Variants in ATP13A4 observed in about 807,000 individuals in gnomAD.
ATP13A4 encodes the protein probable cation-transporting ATPase 13A4.
ATP13A4 carries 114 observed loss-of-function variants against 142.5 expected under a neutral mutation model. That is an observed-to-expected ratio of 0.80 (90% confidence interval 0.69 to 0.93). The LOEUF (loss-of-function observed/expected upper bound fraction) is 0.93, where lower values mean the gene tolerates loss of function less well. ATP13A4 is among the 40% of genes least tolerant of loss of function. The probability of loss-of-function intolerance (pLI) is 0.00; values close to 1 mark genes in which losing one functional copy is unlikely to be tolerated. For missense variants in ATP13A4, 1,392 were observed against 1,454.0 expected (o/e 0.96, Z 0.69); for synonymous variants, 488 against 514.8 (o/e 0.95, Z 0.70).
intron 25 of ATP13A4, among the ~76,000 whole-genome samples, chr3:193,432,675 T>G (rs1028971236): frequency 1.3e-5 from 2 of 151,970 alleles, no homozygotes; most frequent in Admixed American, 1.3e-4. Context: ...TATATAACAT[T>G]CTAGAAAAGC....
Position 193,454,906 on chromosome 3 carries a change from T to G in ATP13A4, c.1916-694A>C, listed in dbSNP as rs188132724. Among the ~76,000 whole-genome samples, 342 of 152,242 alleles carry G rather than the reference T, an allele frequency of 2.2e-3. 4 individuals are homozygous for G. The highest frequency in any genetic ancestry group is 0.014 in the Middle Eastern group (4 of 294). On this transcript the variant is annotated intron_variant, in intron 16 of 29. Coordinates refer to ENST00000342695, the MANE Select transcript of ATP13A4 (RefSeq NM_032279.4). ...AGAGCTTCTGCACAGCAAAAGAAAC[T>G]GTCAAAGAGTAAACATACAGCCTAC...
intron 7 of ATP13A4, 46 bp downstream of exon 7, chr3:193,489,684 A>G (rs930069397): frequency 9.5e-6 from 15 of 1,572,114 alleles, no homozygotes; most frequent in African/African-American, 5.4e-5. Flanking sequence ...TAATAAAGTC[A>G]TTATCCTTCC....
At chr3:193,474,348 C>T (rs796214131) in intron 8 of ATP13A4, among the ~76,000 whole-genome samples, 1 of 108,604 alleles carries the variant, frequency 9.2e-6, no homozygotes, top group Non-Finnish European at 1.9e-5. Context: ...AAAAAAAAAA[C>T]AAACAAAAAA....
chr3:193,488,523 G>GA (rs146936309), intron 7 of ATP13A4, among the ~76,000 whole-genome samples: 5 of 151,880 alleles, frequency 3.3e-5, no homozygotes, highest in Admixed American at 6.6e-5. Flanking sequence ...TTCTGTTAAG[G>GA]AAAAAAACAG....
chr3:193,554,929 T>G, upstream of ATP13A4: 1 of 1,602,108 alleles, frequency 6.2e-7, no homozygotes, highest in South Asian at 1.1e-5. Flanking sequence ...TTAAAACTCC[T>G]CCTTGAGCAC....
chr3:193,457,482 A>G lies in ATP13A4; in HGVS notation c.1675-17T>C. 6.2e-7 allele frequency: 1 copy of G among 1,600,422 alleles called. No individual in the cohort carries two copies. The highest frequency in any genetic ancestry group is 8.5e-7 in the Non-Finnish European group (1 of 1,170,654). On this transcript the variant is annotated splice_polypyrimidine_tract_variant and intron_variant, in intron 14 of 29. Transcript: ENST00000342695. ...AGCCATTTCCTATTTCACAAATAGG[A>G]TATTTCATTGCAGAGATTTATTTAT... is the stretch of plus-strand genomic sequence containing the variant.
At chr3:193,554,939 C>T (rs1723824876), upstream of ATP13A4, 1 of 1,594,334 alleles carries the variant, frequency 6.3e-7, no homozygotes, top group Non-Finnish European at 8.5e-7. Context: ...TCCTTGAGCA[C>T]ACACCTTCTC....
rs149734904 is a variant in ATP13A4 at position 193,439,255 on chromosome 3, G to A, written c.2520-190C>T. 1.1e-4 allele frequency among the ~76,000 whole-genome samples: 16 copies of A among 152,248 alleles called. No individual in the cohort carries two copies. The East Asian group carries it at 2.1e-3, about 20-fold the overall frequency. Reference sequence around the variant, plus strand: ...TACAATGGATTTAGAAATTCAGAACGTGATTCCTGACTGTAAGTGTTTCAT... The same window carrying A: ...TACAATGGATTTAGAAATTCAGAACATGATTCCTGACTGTAAGTGTTTCAT... On this transcript the variant is annotated intron_variant, in intron 21 of 29. Transcript: ENST00000342695.
chr3:193,491,638 T>C (rs1453249248), intron 5 of ATP13A4, among the ~76,000 whole-genome samples: 1 of 152,174 alleles, frequency 6.6e-6, no homozygotes, highest in Non-Finnish European at 1.5e-5. Context: ...AAGGTCTAAA[T>C]ATTTTCCTAA....
At position 193,419,776 on chromosome 3, in the gene ATP13A4, G is replaced by C. The variant is rs375416971; in HGVS notation, c.2843-5026C>G. 1.3e-4 allele frequency among the ~76,000 whole-genome samples: 19 copies of C among 150,308 alleles called. 1 individual carries two copies. In the East Asian group the frequency reaches 2.7e-3, roughly 21 times the overall value. On this transcript the variant is annotated intron_variant, in intron 25 of 29. Transcript: ENST00000342695. ...CCCTAGAGCTTGACTAGCTGGACTA[G>C]AGTCTGAACTGCTGAGATACCTCCT...
At chr3:193,407,480 G>C (rs1714557242) in intron 28 of ATP13A4, 87 bp from the exon 29 acceptor site, 1 of 1,056,504 alleles carries the variant, frequency 9.5e-7, no homozygotes, top group Admixed American at 1.9e-5. Flanking sequence ...TATTTTCCTA[G>C]GTTATAAATC....
intron 2 of ATP13A4, among the ~76,000 whole-genome samples, chr3:193,578,377 CTT>C (rs1414178743): frequency 6.6e-6 from 1 of 151,166 alleles, no homozygotes; most frequent in Non-Finnish European, 1.5e-5. Flanking sequence ...TTTAAATAGA[CTT>C]AATTTTAACT....
At chr3:193,433,955 C>G in intron 24 of ATP13A4, 38 bp from the exon 25 acceptor site, 5 of 1,487,098 alleles carry the variant, frequency 3.4e-6, no homozygotes, top group Non-Finnish European at 4.7e-6. Context: ...AAAGTTGTGA[C>G]CTTCTGGATG....
intron 1 of ATP13A4, among the ~76,000 whole-genome samples, chr3:193,540,835 A>G (rs1293168489): frequency 1.3e-5 from 2 of 152,232 alleles, no homozygotes; most frequent in Admixed American, 6.5e-5. Flanking sequence ...GAAAGTAAAT[A>G]CATCAAGCAA....
intron 29 of ATP13A4, among the ~76,000 whole-genome samples, chr3:193,405,067 G>A (rs928131881): frequency 6.6e-6 from 1 of 152,156 alleles, no homozygotes; most frequent in Non-Finnish European, 1.5e-5. Context: ...TTGTTTTCAG[G>A]GCTGATCAGA....
At chr3:193,419,192 G>T (rs1576942251) in intron 25 of ATP13A4, among the ~76,000 whole-genome samples, 1 of 150,010 alleles carries the variant, frequency 6.7e-6, no homozygotes, top group Admixed American at 6.9e-5. Context: ...GCTGCACCCT[G>T]CCCCTAGGGA....
chr3:193,582,161 T>G (rs58259552), intron 1 of ATP13A4, among the ~76,000 whole-genome samples: 8 of 104,478 alleles, frequency 7.7e-5, no homozygotes, highest in African/African-American at 1.1e-4. Flanking sequence ...TTTTTTTTTT[T>G]TTTTTTGGCG....
Position 193,491,418 on chromosome 3 carries a change from A to T in ATP13A4, c.534-20T>A. On this transcript the variant is annotated intron_variant, in intron 5 of 29. Transcript: ENST00000342695. ...AACCTCCTATAGAAAGAAATCACAG[A>T]TCACTCTGTCACAAATAATAAAATT... The T allele has an allele frequency of 1.3e-6, 2 of 1,507,734 alleles. No individual in the cohort carries two copies. Among genetic ancestry groups the T allele is most frequent in the Non-Finnish European group, 9.2e-7 (1 of 1,084,210 alleles). The allele number at this position is 1,507,734 out of a possible 1,614,324, so 93.4% of individuals were successfully genotyped here. A position where few individuals can be genotyped will look rare whatever the true frequency, so the allele number is the denominator to read the frequency against.
chr3:193,434,360 T>C (rs1192906420), intron 24 of ATP13A4, among the ~76,000 whole-genome samples: 5 of 152,220 alleles, frequency 3.3e-5, no homozygotes, highest in Admixed American at 3.3e-4. Flanking sequence ...TTTGCATTCT[T>C]GAATGTTTTT....
Sources: allele counts gnomAD v4.1 joint callset (sites outside exome capture counted in the v4.1 genomes callset), GRCh38; gene constraint gnomAD v4.1.1; transcripts MANE v1.5; gene names NCBI Gene and HGNC (gene_info 2026-07-23, HGNC 2026-07-21).